ACYP2: variants seen among roughly 807,000 people sequenced by gnomAD.
ACYP2 encodes the protein acylphosphatase-2.
Under a neutral mutation model 11.2 loss-of-function variants are expected in ACYP2, and 12 were observed. The observed-to-expected ratio is 1.08, with a 90% confidence interval of 0.69 to 1.74. The LOEUF (loss-of-function observed/expected upper bound fraction) is 1.74, where lower values mean the gene tolerates loss of function less well. Ranked by LOEUF, ACYP2 falls within the 40% of genes most tolerant of loss-of-function variation. The pLI is 0.00. For synonymous variants in ACYP2, 43 were observed against 32.2 expected, an observed-to-expected ratio of 1.33 and a Z score of -1.13; for missense variants, 134 against 101.9, an observed-to-expected ratio of 1.31 and a Z score of -1.35.
At chr2:54,141,561 C>G (rs1224504236) in intron 6 of ACYP2, among the ~76,000 whole-genome samples, 6 of 152,170 alleles carry the variant, frequency 3.9e-5, no homozygotes, top group East Asian at 1.9e-4. Flanking sequence ...ACGTTAAAAT[C>G]TCATATAGAC....
At chr2:54,034,900 C>G (rs866865874) in intron 2 of ACYP2, among the ~76,000 whole-genome samples, 2 of 150,894 alleles carry the variant, frequency 1.3e-5, no homozygotes, top group African/African-American at 4.9e-5. Flanking sequence ...ATCCTAGCTA[C>G]TCAGGAGGCT....
chr2:54,240,615 C>T (rs1488891231), intron 6 of ACYP2, among the ~76,000 whole-genome samples: 4 of 152,134 alleles, frequency 2.6e-5, no homozygotes, highest in African/African-American at 9.7e-5. Context: ...TGCGGCACTC[C>T]CTGCCTCATC....
chr2:54,113,010 A>G (rs1016123761), intron 4 of ACYP2, among the ~76,000 whole-genome samples: 2 of 150,636 alleles, frequency 1.3e-5, no homozygotes, highest in Admixed American at 6.6e-5. Context: ...AAGCTATGCT[A>G]TAGTTGTCCG....
At position 54,078,502 on chromosome 2, in the gene ACYP2, C is replaced by G. The variant is rs548921206; in HGVS notation, c.277+21142C>G. Among the ~76,000 whole-genome samples, 12 of 151,406 alleles carry G rather than the reference C, an allele frequency of 7.9e-5. 1 individual carries two copies. In the South Asian group the frequency reaches 2.5e-3, roughly 32 times the overall value. ...TCATTGGAAGCTATCCTTGTACCAT[C>G]TTGCATCATCTCCTCTATTGTCATC... On this transcript the variant is annotated intron_variant, in intron 4 of 6. Coordinates refer to ENST00000607452, the MANE Select transcript of ACYP2 (RefSeq NM_001320586.2).
chr2:54,011,558 T>C (rs1444007549), intron 2 of ACYP2, among the ~76,000 whole-genome samples: 1 of 152,258 alleles, frequency 6.6e-6, no homozygotes, highest in Non-Finnish European at 1.5e-5. Flanking sequence ...AGATATTTAA[T>C]GTTGTATCTT....
At chr2:54,075,510 A>AC (rs1677283698) in intron 4 of ACYP2, among the ~76,000 whole-genome samples, 1 of 85,694 alleles carries the variant, frequency 1.2e-5, no homozygotes, top group Non-Finnish European at 2.1e-5. Flanking sequence ...AATTAAAAAA[A>AC]AAAAGAAAGA....
intron 6 of ACYP2, among the ~76,000 whole-genome samples, chr2:54,188,307 AGAAAAGAATTTAG>A (rs1410077987): frequency 1.3e-5 from 2 of 152,184 alleles, no homozygotes; most frequent in East Asian, 1.9e-4. Context: ...TAATACATGG[AGAAAAGAATTTAG>A]GATACATACA....
At chr2:54,045,165 C>T (rs1675445353) in intron 2 of ACYP2, among the ~76,000 whole-genome samples, 2 of 152,300 alleles carry the variant, frequency 1.3e-5, no homozygotes, top group South Asian at 4.1e-4. Context: ...GCTGACTCAC[C>T]AAAGAATGCA....
At chr2:54,078,410 CCATATATGGTACG>C (rs199712886) in intron 4 of ACYP2, among the ~76,000 whole-genome samples, 10 of 75,820 alleles carry the variant, frequency 1.3e-4, no homozygotes, top group African/African-American at 4.4e-4. Context: ...TATATGCGTA[CCATATATGGTACG>C]CATATATATA....
intron 6 of ACYP2, among the ~76,000 whole-genome samples, chr2:54,239,372 A>G (rs563130444): frequency 6.6e-6 from 1 of 152,322 alleles, no homozygotes; most frequent in East Asian, 1.9e-4. Context: ...GCTAGCTTCA[A>G]ACAAACTTAG....
intron 6 of ACYP2, among the ~76,000 whole-genome samples, chr2:54,160,348 CTA>C (rs1553382851): frequency 6.6e-6 from 1 of 152,202 alleles, no homozygotes; most frequent in Non-Finnish European, 1.5e-5. Context: ...CAGCACACTT[CTA>C]TGTGTGTGCT....
intron 6 of ACYP2, among the ~76,000 whole-genome samples, chr2:54,251,161 A>G (rs74904038): frequency 6.6e-6 from 1 of 152,238 alleles, no homozygotes. Context: ...GGAGCACTGT[A>G]AATACTAAGA....
intron 4 of ACYP2, among the ~76,000 whole-genome samples, chr2:54,069,372 CA>C (rs1339435263): frequency 6.6e-6 from 1 of 151,772 alleles, no homozygotes; most frequent in Non-Finnish European, 1.5e-5. Flanking sequence ...TAAAACAAAG[CA>C]AAATACAGGC....
chr2:54,237,417 C>T (rs879918163), intron 6 of ACYP2, among the ~76,000 whole-genome samples: 3 of 152,138 alleles, frequency 2.0e-5, no homozygotes, highest in Non-Finnish European at 2.9e-5. Context: ...CATCTGGGAG[C>T]GGAATACACC....
intron 4 of ACYP2, among the ~76,000 whole-genome samples, chr2:54,114,382 A>G (rs1224463219): frequency 5.5e-5 from 2 of 36,246 alleles, no homozygotes; most frequent in African/African-American, 1.5e-4. Flanking sequence ...AAGACAATCA[A>G]AAAAAAAAAA....
At chr2:53,981,182 C>CCCTT (rs1237657834) in intron 2 of ACYP2, among the ~76,000 whole-genome samples, 1 of 152,032 alleles carries the variant, frequency 6.6e-6, no homozygotes, top group African/African-American at 2.4e-5. Context: ...AGATTTGTTG[C>CCCTT]CTAGAAGTGT....
intron 6 of ACYP2, among the ~76,000 whole-genome samples, chr2:54,241,129 C>T (rs150446738): frequency 2.6e-5 from 4 of 152,188 alleles, no homozygotes; most frequent in Non-Finnish European, 4.4e-5. Flanking sequence ...AGTAGAGCAC[C>T]CCCACTCCCT....
At chr2:54,114,048 A>G (rs909489878) in intron 4 of ACYP2, among the ~76,000 whole-genome samples, 2 of 152,180 alleles carry the variant, frequency 1.3e-5, no homozygotes, top group African/African-American at 4.8e-5. Flanking sequence ...AAATGATTTA[A>G]CCATATTCTA....
At chr2:54,256,385 C>T (rs548810502) in intron 6 of ACYP2, 8 of 524,818 alleles carry the variant, frequency 1.5e-5, no homozygotes, top group South Asian at 2.9e-5. Context: ...AATGATATTA[C>T]ATGGTGGTTT....
Sources: allele counts gnomAD v4.1 joint callset (sites outside exome capture counted in the v4.1 genomes callset), GRCh38; gene constraint gnomAD v4.1.1; transcripts MANE v1.5; gene names NCBI Gene and HGNC (gene_info 2026-07-23, HGNC 2026-07-21).